The following OSBPL10 variants were observed in gnomAD, a reference collection of about 807,000 sequenced individuals.
OSBPL10 encodes the protein oxysterol binding protein like 10.
Under a neutral mutation model 81.7 loss-of-function variants are expected in OSBPL10, and 49 were observed. The observed-to-expected ratio is 0.60, with a 90% CI of 0.48 to 0.76. The LOEUF is 0.76. OSBPL10 is among the 30% of genes least tolerant of loss of function. The pLI is 0.00. For missense variants in OSBPL10, 923 were observed against 987.8 expected, an observed-to-expected ratio of 0.93 and a Z score of 0.88; for synonymous variants, 419 against 383.6, an observed-to-expected ratio of 1.09 and a Z score of -1.08.
intron 6 of OSBPL10, among the ~76,000 whole-genome samples, chr3:31,731,273 C>CCACCAAAA (rs1424341544): frequency 6.6e-6 from 1 of 152,028 alleles, no homozygotes; most frequent in Non-Finnish European, 1.5e-5. Flanking sequence ...TCTCAGAAAA[C>CCACCAAAA]CACCAAAACA....
chr3:31,887,378 T>C (rs1695764806), intron 1 of OSBPL10, among the ~76,000 whole-genome samples: 1 of 152,182 alleles, frequency 6.6e-6, no homozygotes, highest in Non-Finnish European at 1.5e-5. Flanking sequence ...TTAAAATTAA[T>C]ATCATCTGGT....
chr3:31,976,901 G>A (rs1176037193), intron 1 of OSBPL10, among the ~76,000 whole-genome samples: 3 of 152,104 alleles, frequency 2.0e-5, no homozygotes, highest in African/African-American at 2.4e-5. Context: ...AAAGTGAATG[G>A]CAATGGCAAC....
chr3:31,963,006 T>C (rs532942773), intron 1 of OSBPL10, among the ~76,000 whole-genome samples: 5 of 152,224 alleles, frequency 3.3e-5, no homozygotes, highest in Non-Finnish European at 5.9e-5. Flanking sequence ...GACTCCTGTT[T>C]CTCAAAGGAG....
intron 6 of OSBPL10, among the ~76,000 whole-genome samples, chr3:31,719,626 A>C (rs1407601297): frequency 6.6e-6 from 1 of 152,184 alleles, no homozygotes; most frequent in Non-Finnish European, 1.5e-5. Flanking sequence ...GAAAGTATAC[A>C]TTTGGCTTAA....
At chr3:32,006,240 C>T (rs1042553943) in intron 2 of OSBPL10, among the ~76,000 whole-genome samples, 4 of 152,174 alleles carry the variant, frequency 2.6e-5, no homozygotes, top group Non-Finnish European at 5.9e-5. Context: ...GCCACCGCAC[C>T]CCTCCATCTT....
At chr3:32,068,502 CT>C (rs1292253556) in intron 1 of OSBPL10, among the ~76,000 whole-genome samples, 1 of 152,104 alleles carries the variant, frequency 6.6e-6, no homozygotes, top group Non-Finnish European at 1.5e-5. Flanking sequence ...CTTCTTCTCC[CT>C]TAGCCTGTGT....
At chr3:32,041,140 A>G (rs924773610) in intron 2 of OSBPL10, among the ~76,000 whole-genome samples, 3 of 152,064 alleles carry the variant, frequency 2.0e-5, no homozygotes, top group Admixed American at 6.6e-5. Context: ...ACCCCATGCC[A>G]CTCTAGAGAC....
At chr3:31,970,710 A>G (rs1698536304) in intron 1 of OSBPL10, among the ~76,000 whole-genome samples, 1 of 152,248 alleles carries the variant, frequency 6.6e-6, no homozygotes, top group South Asian at 2.1e-4. Flanking sequence ...TCGTGGACCC[A>G]CAAATACACA....
At chr3:31,863,146 GA>G (rs56882500) in intron 3 of OSBPL10, among the ~76,000 whole-genome samples, 2 of 151,994 alleles carry the variant, frequency 1.3e-5, no homozygotes, top group Non-Finnish European at 2.9e-5. Context: ...TATGCTAAGT[GA>G]AAAAAAGCCA....
At chr3:31,864,186 T>A (rs1278939940) in intron 3 of OSBPL10, among the ~76,000 whole-genome samples, 2 of 152,184 alleles carry the variant, frequency 1.3e-5, no homozygotes, top group Non-Finnish European at 2.9e-5. Context: ...GAGAAGACCA[T>A]GCTGCCTGGG....
chr3:31,962,247 G>A (rs746587090), intron 1 of OSBPL10, among the ~76,000 whole-genome samples: 14 of 152,152 alleles, frequency 9.2e-5, no homozygotes, highest in Admixed American at 2.6e-4. Context: ...GGGAGCCACC[G>A]CGCCTGGCCG....
chr3:31,763,223 A>C (rs552998285), intron 4 of OSBPL10, among the ~76,000 whole-genome samples: 1 of 152,258 alleles, frequency 6.6e-6, no homozygotes, highest in Non-Finnish European at 1.5e-5. Context: ...ATCATTTAAC[A>C]CACATCATAT....
At chr3:32,063,544 G>A (rs1026619711) in intron 1 of OSBPL10, among the ~76,000 whole-genome samples, 2 of 92,132 alleles carry the variant, frequency 2.2e-5, no homozygotes, top group African/African-American at 5.6e-5. Flanking sequence ...GGGCTATCAG[G>A]GAGATGTAGG....
Position 32,019,743 on chromosome 3 carries a change from G to A in OSBPL10, n.298+26748C>T, listed in dbSNP as rs569593198. ...AAAAAATTATTAACTCTGTTTCTTCGCAATAAGAAGGGTAAAATTGTTTGC... is the reference window on the plus strand; with the variant it reads ...AAAAAATTATTAACTCTGTTTCTTCACAATAAGAAGGGTAAAATTGTTTGC... On this transcript the variant is annotated intron_variant and non_coding_transcript_variant, in intron 2 of 3. Transcript: ENST00000479173. Among the ~76,000 whole-genome samples, 30 of 152,102 alleles carry A rather than the reference G, an allele frequency of 2.0e-4. No homozygotes were observed. The East Asian group carries it at 4.8e-3, about 24-fold the overall frequency.
intron 1 of OSBPL10, among the ~76,000 whole-genome samples, chr3:31,887,618 C>T (rs1451085833): frequency 6.6e-6 from 1 of 152,110 alleles, no homozygotes; most frequent in Non-Finnish European, 1.5e-5. Flanking sequence ...CTATAGTAGT[C>T]TTGTCATCTT....
intron 1 of OSBPL10, among the ~76,000 whole-genome samples, chr3:31,911,790 A>C (rs952335487): frequency 6.6e-6 from 1 of 152,176 alleles, no homozygotes; most frequent in Non-Finnish European, 1.5e-5. Flanking sequence ...CAAGCAGGGA[A>C]CATGCAAAAG....
At chr3:31,965,476 A>G (rs1306429774) in intron 1 of OSBPL10, among the ~76,000 whole-genome samples, 1 of 105,888 alleles carries the variant, frequency 9.4e-6, no homozygotes, top group Non-Finnish European at 1.8e-5. Flanking sequence ...AATATATATT[A>G]TATATTATCT....
intron 1 of OSBPL10, among the ~76,000 whole-genome samples, chr3:31,964,004 T>C (rs1698242228): frequency 6.6e-6 from 1 of 151,950 alleles, no homozygotes; most frequent in African/African-American, 2.4e-5. Flanking sequence ...AAGCAATATT[T>C]CCAAAGCACA....
At chr3:31,838,219 CAT>C (rs1700407452) in intron 3 of OSBPL10, among the ~76,000 whole-genome samples, 1 of 152,054 alleles carries the variant, frequency 6.6e-6, no homozygotes, top group Admixed American at 6.5e-5. Flanking sequence ...TAAAAAAGCT[CAT>C]ATATTGTGGC....
Sources: gnomAD v4.1 joint callset for allele counts (sites outside exome capture counted in the v4.1 genomes callset) on GRCh38, gnomAD v4.1.1 for gene constraint, MANE v1.5 for transcripts, NCBI Gene and HGNC (gene_info 2026-07-23, HGNC 2026-07-21) for gene names.